The following B3GNT2 variants were observed in gnomAD, a reference collection of about 807,000 sequenced individuals.
The protein encoded by B3GNT2 is UDP-GlcNAc:betaGal beta-1,3-N-acetylglucosaminyltransferase 2, also known as N-acetyllactosaminide beta-1,3-N-acetylglucosaminyltransferase 2.
In B3GNT2, 12 loss-of-function variants were observed where a neutral mutation model predicts 27.6. That is an observed-to-expected ratio of 0.44 (90% confidence interval 0.28 to 0.71). The LOEUF is 0.71. Among genes scored for constraint, B3GNT2 ranks in the 30% least tolerant of loss-of-function variants. The pLI is 0.17. For synonymous variants in B3GNT2, 192 were observed against 189.7 expected, an observed-to-expected ratio of 1.01 and a Z score of -0.10; for missense variants, 413 against 488.5, an observed-to-expected ratio of 0.85 and a Z score of 1.46.
intron 1 of B3GNT2, among the ~76,000 whole-genome samples, chr2:62,221,445 C>G (rs148850438): frequency 5.8e-4 from 89 of 152,282 alleles, no homozygotes; most frequent in African/African-American, 2.0e-3. Flanking sequence ...GTGTCTTAAT[C>G]TCTCTGCTTT....
chr2:62,211,356 C>T (rs1358509344), intron 1 of B3GNT2, among the ~76,000 whole-genome samples: 1 of 152,004 alleles, frequency 6.6e-6, no homozygotes, highest in Non-Finnish European at 1.5e-5. Context: ...ACCCTGTCCC[C>T]CCCGTCCCCC....
At chr2:62,218,176 CT>C (rs1674611515) in intron 1 of B3GNT2, among the ~76,000 whole-genome samples, 1 of 152,172 alleles carries the variant, frequency 6.6e-6, no homozygotes, top group Non-Finnish European at 1.5e-5. Flanking sequence ...ATTTAGAGAG[CT>C]TTTTCCCACA....
At chr2:62,210,490 C>A (rs1443501965) in intron 1 of B3GNT2, among the ~76,000 whole-genome samples, 2 of 151,786 alleles carry the variant, frequency 1.3e-5, no homozygotes, top group Non-Finnish European at 2.9e-5. Flanking sequence ...GGACAGTGGC[C>A]GGGTGCGGTG....
chr2:62,217,520 G>C (rs888440649), intron 1 of B3GNT2, among the ~76,000 whole-genome samples: 2 of 152,228 alleles, frequency 1.3e-5, no homozygotes, highest in Non-Finnish European at 2.9e-5. Flanking sequence ...TTAGGACGTG[G>C]CACAGGCACA....
At chr2:62,208,023 G>A (rs1016794477) in intron 1 of B3GNT2, among the ~76,000 whole-genome samples, 3 of 152,092 alleles carry the variant, frequency 2.0e-5, no homozygotes, top group Non-Finnish European at 2.9e-5. Context: ...TTTGAAAGTC[G>A]ATCTTATGAG....
chr2:62,222,628 T>A lies in B3GNT2; in HGVS notation c.408T>A (p.Asp136Glu), dbSNP rs78968142. Residue 136 changes from aspartate (D) to glutamate (E), a missense_variant, in exon 2 of 2, where the codon GAT (aspartate) becomes GAA (glutamate). Physicochemically the swap from Asp to Glu is conservative, Grantham distance 45. Transcript: ENST00000301998. The surrounding 1 kb of genome is among the most constrained non-coding windows in gnomAD (Gnocchi z 4.2). ...RNYSLLIDQP[D>E]KCAKKPFLLL... ...ATTCACTGCTTATAGATCAGCCGGA[T>A]AAGTGTGCAAAGAAACCTTTCTTGT... 6.5e-3 allele frequency: 10,562 copies of A among 1,614,196 alleles called. 125 individuals carry two copies. The highest frequency in any genetic ancestry group is 0.044 in the African/African-American group (3,267 of 75,030).
intron 1 of B3GNT2, among the ~76,000 whole-genome samples, chr2:62,204,246 GA>G (rs1674325896): frequency 6.6e-6 from 1 of 152,162 alleles, no homozygotes. Context: ...GGCTGGTCTC[GA>G]ACTCCCAACC....
Position 62,198,256 on chromosome 2 carries a change from G to A in B3GNT2, c.-10+1901G>A, listed in dbSNP as rs147032292. On this transcript the variant is annotated intron_variant, in intron 1 of 1. Coordinates refer to ENST00000301998, the MANE Select transcript of B3GNT2 (RefSeq NM_006577.6). ...ACTTGATTCTGCCACATTTAATTCA[G>A]TGATCTTGGGCAAGTTATTCTTCAC... Among the ~76,000 whole-genome samples, 225 of 152,284 alleles carry A rather than the reference G, an allele frequency of 1.5e-3. 1 individual carries two copies. The highest frequency in any genetic ancestry group is 5.1e-3 in the African/African-American group (210 of 41,544).
chr2:62,223,880 T>C lies in B3GNT2; in HGVS notation c.*466T>C, dbSNP rs1488768985. On this transcript the variant is annotated 3_prime_UTR_variant, in exon 2 of 2. Coordinates refer to ENST00000301998, the MANE Select transcript of B3GNT2 (RefSeq NM_006577.6). ...TATGTTTATTTTTATGGGATTTGGG[T>C]AAATTTTAAATTGTCTAGAAAACTG... 6.0e-6 allele frequency: 1 copy of C among 167,434 alleles called. No individual in the cohort carries two copies. The highest frequency in any genetic ancestry group is 3.1e-3 in the Middle Eastern group (1 of 318). 10.4% of individuals were successfully genotyped at this position (167,434 alleles called of 1,614,324 possible). A position where few individuals can be genotyped will look rare whatever the true frequency, so the allele number is the denominator to read the frequency against.
Position 62,223,091 on chromosome 2 carries a change from A to C in B3GNT2, c.871A>C (p.Ile291Leu), listed in dbSNP as rs747861550. ...PHRDKKLKYY[I>L]PEVVYSGLYP... ...TCGGGATAAGAAGCTGAAGTACTAC[A>C]TCCCAGAAGTTGTTTACTCTGGCCT... Residue 291 changes from isoleucine to leucine, a missense_variant, in exon 2 of 2, where the codon ATC (isoleucine) becomes CTC (leucine). Coordinates refer to ENST00000301998, the MANE Select transcript of B3GNT2 (RefSeq NM_006577.6). The C allele has an allele frequency of 6.2e-7, 1 of 1,614,206 alleles. No homozygotes were observed. The highest frequency in any genetic ancestry group is 1.1e-5 in the South Asian group (1 of 91,080).
chr2:62,200,734 T>C (rs1441538459), intron 1 of B3GNT2, among the ~76,000 whole-genome samples: 2 of 152,216 alleles, frequency 1.3e-5, no homozygotes, highest in African/African-American at 4.8e-5. Context: ...GGAACTGTTA[T>C]TCTTTCTTAC....
intron 1 of B3GNT2, among the ~76,000 whole-genome samples, chr2:62,212,608 G>C (rs921974395): frequency 6.6e-6 from 1 of 151,600 alleles, no homozygotes; most frequent in African/African-American, 2.4e-5. Flanking sequence ...CTGTACCCTA[G>C]AGGGTTGCCC....
chr2:62,223,347 A>G lies in B3GNT2; in HGVS notation c.1127A>G (p.His376Arg). The G allele has an allele frequency of 1.2e-6, 2 of 1,614,144 alleles. No homozygotes were observed. Among genetic ancestry groups the G allele is most frequent in the Non-Finnish European group, 1.7e-6 (2 of 1,180,014 alleles). Residue 376 changes from histidine (H) to arginine (R), a missense_variant, in exon 2 of 2, where the codon CAT becomes CGT. Physicochemically the swap from His to Arg is conservative, Grantham distance 29. Coordinates refer to ENST00000301998, the MANE Select transcript of B3GNT2 (RefSeq NM_006577.6). The stretch of plus-strand genomic sequence containing the variant: ...TCCTATGTAGATCTGATGTTAGTAC[A>G]TAGTAGAAAACCTCAAGAGATGATT... ...ICSYVDLMLV[H>R]SRKPQEMIDI...
chr2:62,210,598 A>G (rs1027445438), intron 1 of B3GNT2, among the ~76,000 whole-genome samples: 12 of 151,864 alleles, frequency 7.9e-5, no homozygotes, highest in Admixed American at 4.6e-4. Flanking sequence ...GCGAAACCCC[A>G]TCTCTACTAA....
chr2:62,209,266 C>G (rs1391698983), intron 1 of B3GNT2, among the ~76,000 whole-genome samples: 2 of 152,224 alleles, frequency 1.3e-5, no homozygotes, highest in Admixed American at 6.5e-5. Context: ...ACTCCCCAGT[C>G]CCCTGGGACA....
rs190944482 is a variant in B3GNT2, at chr2:62,200,428, A to C, written c.-10+4073A>C. On this transcript the variant is annotated intron_variant, in intron 1 of 1. Transcript: ENST00000301998. ...CTTCATTCTGATATGAGTAGGATGT[A>C]CGTAGCTTACCAGAATGTTTGAAAA... is the stretch of plus-strand genomic sequence containing the variant. Among the ~76,000 whole-genome samples the C allele has an allele frequency of 3.0e-4, 46 of 152,330 alleles. No homozygotes were observed. The Middle Eastern group carries it at 0.014, about 45-fold the overall frequency.
In B3GNT2 at chr2:62,216,939, C is replaced by T. The variant is rs567928400; in HGVS notation, c.-9-5273C>T. Among the ~76,000 whole-genome samples, 326 of 152,366 alleles carry T rather than the reference C, an allele frequency of 2.1e-3. 2 individuals are homozygous for T. The highest frequency in any genetic ancestry group is 7.5e-3 in the African/African-American group (311 of 41,590). On this transcript the variant is annotated intron_variant, in intron 1 of 1. Transcript: ENST00000301998. The stretch of plus-strand genomic sequence containing the variant: ...TGTAGAAGAAACTAGAACTAGAAGG[C>T]CTGGGCGCAAGCCCTGACTCCATCA...
At chr2:62,197,031 T>A (rs1674160170) in intron 1 of B3GNT2, among the ~76,000 whole-genome samples, 1 of 144,850 alleles carries the variant, frequency 6.9e-6, no homozygotes, top group South Asian at 2.4e-4. Flanking sequence ...TTTGACCTTT[T>A]AAAAAAAATA....
chr2:62,213,247 T>C (rs999725131), intron 1 of B3GNT2, among the ~76,000 whole-genome samples: 1 of 152,134 alleles, frequency 6.6e-6, no homozygotes, highest in African/African-American at 2.4e-5. Context: ...GAGGCTGCAG[T>C]GATCAGGCAA....
Sources: allele counts gnomAD v4.1 joint callset (sites outside exome capture counted in the v4.1 genomes callset), GRCh38; gene constraint gnomAD v4.1.1; non-coding constraint Gnocchi (gnomAD v3.1); transcripts MANE v1.5; gene names NCBI Gene and HGNC (gene_info 2026-07-23, HGNC 2026-07-21).